GRK3: variants seen among roughly 807,000 people sequenced by gnomAD.
GRK3 encodes G protein-coupled receptor kinase 3.
A neutral mutation model predicts 95.7 loss-of-function variants in GRK3; 54 were observed. The ratio of observed to expected loss-of-function variants is 0.56; its 90% CI spans 0.45 to 0.71. GRK3 has a LOEUF of 0.71. Among genes scored for constraint, GRK3 ranks in the 30% least tolerant of loss-of-function variants. The probability of loss-of-function intolerance (pLI) is 0.00; values close to 1 mark genes in which losing one functional copy is unlikely to be tolerated. For synonymous variants in GRK3, 281 were observed against 290.8 expected (o/e 0.97, Z 0.34); for missense variants, 649 against 851.2 (o/e 0.76, Z 2.96).
At chr22:25,634,494 C>T (rs542517688) in intron 2 of GRK3, among the ~76,000 whole-genome samples, 1 of 152,246 alleles carries the variant, frequency 6.6e-6, no homozygotes, top group Admixed American at 6.5e-5. Context: ...TGATAATCTT[C>T]AAATTGTTAT....
chr22:25,620,430 G>A (rs2084576023), intron 2 of GRK3, among the ~76,000 whole-genome samples: 2 of 152,202 alleles, frequency 1.3e-5, no homozygotes, highest in Non-Finnish European at 2.9e-5. Context: ...GGATTGTCGT[G>A]TTGGGTGGAC....
At chr22:25,577,849 C>A (rs1300262182) in intron 1 of GRK3, among the ~76,000 whole-genome samples, 3 of 152,062 alleles carry the variant, frequency 2.0e-5, no homozygotes, top group African/African-American at 7.2e-5. Flanking sequence ...AAGATAGACA[C>A]CTAGAAATAA....
chr22:25,583,059 A>G (rs1410790546), intron 1 of GRK3, among the ~76,000 whole-genome samples: 7 of 152,214 alleles, frequency 4.6e-5, no homozygotes, highest in Non-Finnish European at 1.5e-5. Flanking sequence ...ATCTGCTTAG[A>G]TAGCGCATAC....
chr22:25,594,924 A>G (rs2084362329), intron 1 of GRK3, among the ~76,000 whole-genome samples: 1 of 152,072 alleles, frequency 6.6e-6, no homozygotes, highest in African/African-American at 2.4e-5. Context: ...ACAAAACCAT[A>G]TGATCATCTC....
chr22:25,614,554 G>A (rs1601475065), intron 2 of GRK3, among the ~76,000 whole-genome samples: 2 of 152,282 alleles, frequency 1.3e-5, no homozygotes, highest in East Asian at 1.9e-4. Context: ...TGCTACCTGT[G>A]TACTAGACAC....
intron 1 of GRK3, among the ~76,000 whole-genome samples, chr22:25,575,944 G>T (rs1272650165): frequency 6.6e-6 from 1 of 152,206 alleles, no homozygotes; most frequent in Admixed American, 6.5e-5. Context: ...CACATAATCA[G>T]CCAAGTCTGC....
intron 2 of GRK3, among the ~76,000 whole-genome samples, chr22:25,621,402 C>T (rs868779430): frequency 5.9e-5 from 9 of 152,054 alleles, no homozygotes; most frequent in African/African-American, 1.4e-4. Flanking sequence ...CACATGTTTA[C>T]GTTACCCATC....
chr22:25,597,517 A>G (rs2084380231), intron 1 of GRK3, among the ~76,000 whole-genome samples: 1 of 152,212 alleles, frequency 6.6e-6, no homozygotes, highest in Non-Finnish European at 1.5e-5. Context: ...TCTGATCACT[A>G]TGCATCGTAT....
At chr22:25,607,695 G>A (rs2084462182) in intron 2 of GRK3, among the ~76,000 whole-genome samples, 1 of 151,794 alleles carries the variant, frequency 6.6e-6, no homozygotes, top group Non-Finnish European at 1.5e-5. Flanking sequence ...TTGTGCCTCA[G>A]CCTCCTGAGT....
At chr22:25,618,639 C>G (rs2084557635) in intron 2 of GRK3, among the ~76,000 whole-genome samples, 2 of 151,996 alleles carry the variant, frequency 1.3e-5, no homozygotes, top group South Asian at 4.1e-4. Flanking sequence ...GTTCTTTTTT[C>G]TCCTTTTCCT....
chr22:25,711,090 C>A lies in GRK3; in HGVS notation c.1418C>A (p.Pro473His). 6.2e-7 allele frequency: 1 copy of A among 1,613,522 alleles called. No homozygotes were observed. Among genetic ancestry groups the A allele is most frequent in the Non-Finnish European group, 8.5e-7 (1 of 1,179,722 alleles). The stretch of plus-strand genomic sequence containing the variant: ...CAGTACCCACCACCCTTGATTCCTC[C>A]CCGGGGAGAAGTCAATGCTGCTGAT... ...LQKYPPPLIPPRGEVNAADAF... is the reference protein window; with the variant it reads ...LQKYPPPLIPHRGEVNAADAF... Residue 473 changes from proline (P) to histidine (H), a missense_variant, in exon 17 of 21, where the codon CCC (proline) becomes CAC (histidine). Around this residue, in one of 3 missense-constraint regions of GRK3, gnomAD observed 382 missense variants for 493.8 expected, o/e 0.77. Coordinates refer to ENST00000324198, the MANE Select transcript of GRK3 (RefSeq NM_005160.4).
Position 25,564,980 on chromosome 22 carries a change from C to G in GRK3, c.-61C>G, listed in dbSNP as rs1272885457. ...GTCGGGGCGCGGCGGGCGGCGGCGGCGGGCGCGCGTCCCGTCCAGGTCCGG... is the reference window on the plus strand; with the variant it reads ...GTCGGGGCGCGGCGGGCGGCGGCGGGGGGCGCGCGTCCCGTCCAGGTCCGG... On this transcript the variant is annotated 5_prime_UTR_variant, in exon 1 of 21. Coordinates refer to ENST00000324198, the MANE Select transcript of GRK3 (RefSeq NM_005160.4). 1 of 445,034 alleles carries G rather than the reference C, an allele frequency of 2.2e-6. No individual in the cohort carries two copies. The highest frequency in any genetic ancestry group is 3.0e-6 in the Non-Finnish European group (1 of 328,392). 27.6% of individuals were successfully genotyped at this position (445,034 alleles called of 1,614,324 possible).
chr22:25,638,788 G>A (rs1028458962), intron 2 of GRK3, among the ~76,000 whole-genome samples: 2 of 152,184 alleles, frequency 1.3e-5, no homozygotes, highest in African/African-American at 4.8e-5. Flanking sequence ...GGGGACCCAA[G>A]GTATTGTCCG....
intron 13 of GRK3, 94 bp downstream of exon 13, chr22:25,695,308 T>C: frequency 1.2e-6 from 1 of 843,778 alleles, no homozygotes; most frequent in Non-Finnish European, 1.9e-6. Flanking sequence ...ACGCTAATGT[T>C]ATTTTAAATC....
chr22:25,652,934 C>T (rs771924307), intron 3 of GRK3, among the ~76,000 whole-genome samples: 24 of 152,092 alleles, frequency 1.6e-4, no homozygotes, highest in Admixed American at 3.9e-4. Context: ...CTACATCATA[C>T]GGCGTAGGGG....
intron 1 of GRK3, among the ~76,000 whole-genome samples, chr22:25,586,979 T>A (rs530864363): frequency 6.6e-6 from 1 of 151,644 alleles, no homozygotes; most frequent in South Asian, 2.1e-4. Flanking sequence ...CCACCTCCCA[T>A]GTTCAAGCAA....
chr22:25,637,593 G>A lies in GRK3; in HGVS notation c.191-6999G>A, dbSNP rs559347550. Reference sequence around the variant, plus strand: ...GGAGATATAAGTTTTCATTGGATAAGTATCTAATAGAGGAATCACTGCATT... The same window carrying A: ...GGAGATATAAGTTTTCATTGGATAAATATCTAATAGAGGAATCACTGCATT... On this transcript the variant is annotated intron_variant, in intron 2 of 20. Transcript: ENST00000324198. Among the ~76,000 whole-genome samples, 6 of 152,214 alleles carry A rather than the reference G, an allele frequency of 3.9e-5. No homozygotes were observed. The South Asian group carries it at 1.0e-3, about 26-fold the overall frequency.
In GRK3 at chr22:25,634,082, C is replaced by G. The variant is rs1353164344; in HGVS notation, c.191-10510C>G. 2.6e-5 allele frequency among the ~76,000 whole-genome samples: 4 copies of G among 152,086 alleles called. No homozygotes were observed. The South Asian group carries it at 8.3e-4, about 32-fold the overall frequency. ...AGTTATGTTTGTATTTTTCACCATT[C>G]AATTCATGACTTTCTAATTTGATTT... On this transcript the variant is annotated intron_variant, in intron 2 of 20. Coordinates refer to ENST00000324198, the MANE Select transcript of GRK3 (RefSeq NM_005160.4).
intron 1 of GRK3, among the ~76,000 whole-genome samples, chr22:25,579,515 C>T (rs1394333403): frequency 6.6e-6 from 1 of 151,738 alleles, no homozygotes; most frequent in East Asian, 1.9e-4. Flanking sequence ...CTCTGTCCCC[C>T]AGGCTGGAGT....
Sources: gnomAD v4.1 joint callset for allele counts (sites outside exome capture counted in the v4.1 genomes callset) on GRCh38, gnomAD v4.1.1 for gene constraint, gnomAD v4.1.1 regional missense constraint, MANE v1.5 for transcripts, NCBI Gene and HGNC (gene_info 2026-07-23, HGNC 2026-07-21) for gene names.